Variants in TNRC18 observed in about 807,000 individuals in gnomAD.
The protein encoded by TNRC18 is trinucleotide repeat containing 18, also known as trinucleotide repeat-containing gene 18 protein.
A neutral mutation model predicts 226.7 loss-of-function variants in TNRC18; 69 were observed. The observed-to-expected ratio is 0.30, with a 90% CI of 0.25 to 0.37. The LOEUF (loss-of-function observed/expected upper bound fraction) is 0.37. Ranked by LOEUF, TNRC18 falls within the 10% of genes least tolerant of loss-of-function variation. The probability of loss-of-function intolerance (pLI) is 1.00; values close to 1 mark genes in which losing one functional copy is unlikely to be tolerated. For missense variants in TNRC18, 4,754 were observed against 4,256.6 expected (o/e 1.12, Z -3.25); for synonymous variants, 2,449 against 1,927.6 (o/e 1.27, Z -7.09).
At chr7:5,379,265 C>T (rs561933972) in intron 5 of TNRC18, among the ~76,000 whole-genome samples, 44 of 152,066 alleles carry the variant, frequency 2.9e-4, no homozygotes, top group Middle Eastern at 3.4e-3. Flanking sequence ...TGGCATGCAC[C>T]GGTAGTCCCA....
chr7:5,361,959 C>T lies in TNRC18; in HGVS notation c.4470G>A (p.Val1490=). The T allele has an allele frequency of 1.9e-6, 3 of 1,612,346 alleles. No homozygotes were observed. Among genetic ancestry groups the T allele is most frequent in the Non-Finnish European group, 2.5e-6 (3 of 1,179,484 alleles). Residue 1490 remains valine (V), a synonymous_variant, in exon 13 of 30, where the codon GTG becomes GTA. Transcript: ENST00000430969. ...GCTGCTTCTCCTTGTACTGGCGCTG[C>T]ACCTCGGCCAGCCGCATCCGGAAGT... ...ELDFRMRLAE[V]QRQYKEKQRE...
chr7:5,327,406 T>C (rs1317055365), intron 19 of TNRC18, among the ~76,000 whole-genome samples: 1 of 151,268 alleles, frequency 6.6e-6, no homozygotes, highest in Middle Eastern at 3.4e-3. Flanking sequence ...TGTGTGTGTG[T>C]GTGTGTCTGT....
intron 11 of TNRC18, among the ~76,000 whole-genome samples, chr7:5,365,379 CTG>C (rs1793509411): frequency 6.6e-6 from 1 of 152,124 alleles, no homozygotes; most frequent in Admixed American, 6.5e-5. Context: ...TCCCAAAGTG[CTG>C]AGATTACAGG....
At chr7:5,369,546 C>A (rs996549381) in intron 11 of TNRC18, among the ~76,000 whole-genome samples, 1 of 151,768 alleles carries the variant, frequency 6.6e-6, no homozygotes. Context: ...ATGAGGCCAA[C>A]AGAGAGAAAA....
At chr7:5,327,982 G>A (rs1789106415) in intron 19 of TNRC18, among the ~76,000 whole-genome samples, 1 of 152,056 alleles carries the variant, frequency 6.6e-6, no homozygotes, top group Admixed American at 6.6e-5. Context: ...AGCACTTCGG[G>A]AAGCCAAGGC....
Position 5,351,960 on chromosome 7 carries a change from G to T in TNRC18, c.5329C>A (p.Leu1777Met). Residue 1777 changes from leucine (L) to methionine (M), a missense_variant, in exon 17 of 30, where the codon CTG (leucine) becomes ATG (methionine). Coordinates refer to ENST00000430969, the MANE Select transcript of TNRC18 (RefSeq NM_001080495.3). ...GGGGCCGCCAGGCCCCTCTTGGTCAGCTTGGGGCCACCAGCTGCCTTGCTG... is the reference window on the plus strand; with the variant it reads ...GGGGCCGCCAGGCCCCTCTTGGTCATCTTGGGGCCACCAGCTGCCTTGCTG... Reference protein sequence around the residue: ...KNSKAAGGPKLTKRGLAAPRT... With the variant: ...KNSKAAGGPKMTKRGLAAPRT... 6.2e-7 allele frequency: 1 copy of T among 1,613,952 alleles called. No homozygotes were observed.
Position 5,388,022 on chromosome 7 carries a change from G to T in TNRC18, c.1802C>A (p.Ala601Asp), listed in dbSNP as rs1410903583. The T allele has an allele frequency of 6.4e-7, 1 of 1,570,690 alleles. No individual in the cohort carries two copies. Among genetic ancestry groups the T allele is most frequent in the Admixed American group, 1.9e-5 (1 of 53,340 alleles). Residue 601 changes from alanine to aspartate, a missense_variant, in exon 5 of 30, where the codon GCC (alanine) becomes GAC (aspartate). Ala to Asp is a moderately radical substitution (Grantham distance 126). Coordinates refer to ENST00000430969, the MANE Select transcript of TNRC18 (RefSeq NM_001080495.3). ...YSGSFARDAV[A>D]VRPGGCGKKS... The stretch of plus-strand genomic sequence containing the variant: ...CTTGCCACAGCCACCAGGGCGCACG[G>T]CCACGGCGTCCCGGGCAAAGCTGCC...
intron 8 of TNRC18, among the ~76,000 whole-genome samples, chr7:5,376,551 G>C (rs538961192): frequency 7.9e-5 from 12 of 152,324 alleles, no homozygotes; most frequent in African/African-American, 2.9e-4. Context: ...CCCTCCCAGT[G>C]GTCTACAAGG....
intron 2 of TNRC18, among the ~76,000 whole-genome samples, chr7:5,408,357 A>G (rs1049955573): frequency 4.0e-5 from 6 of 151,822 alleles, no homozygotes; most frequent in Middle Eastern, 3.4e-3. Flanking sequence ...AAAGGAGGAA[A>G]CATCCCCCTG....
intron 5 of TNRC18, among the ~76,000 whole-genome samples, chr7:5,385,555 G>C (rs559316800): frequency 2.2e-4 from 33 of 152,042 alleles, no homozygotes; most frequent in African/African-American, 7.2e-4. Context: ...ATGGTGGCGG[G>C]TGCCTGTGAC....
At chr7:5,322,420 T>C (rs374021029) in intron 21 of TNRC18, among the ~76,000 whole-genome samples, 21 of 152,186 alleles carry the variant, frequency 1.4e-4, no homozygotes, top group African/African-American at 3.4e-4. Flanking sequence ...CACCTTAGCC[T>C]CCTGAGTAGC....
At chr7:5,356,168 T>TA (rs1172689513) in intron 16 of TNRC18, among the ~76,000 whole-genome samples, 6,955 of 99,502 alleles carry the variant, frequency 0.07, 255 homozygotes, top group East Asian at 0.13. Flanking sequence ...CGTCTCAAAT[T>TA]AAAAAAAAAA....
chr7:5,377,134 G>A lies in TNRC18; in HGVS notation c.2462-141C>T, dbSNP rs1161240184. ...GGGAAGCCAAGGGACAGGGGTGCTG[G>A]CTGGCTGCAAAGAGCACCCCAGAGC... On this transcript the variant is annotated intron_variant, in intron 7 of 29. Coordinates refer to ENST00000430969, the MANE Select transcript of TNRC18 (RefSeq NM_001080495.3). The surrounding 1 kb of genome is among the most constrained non-coding windows in gnomAD (Gnocchi z 5.8). 2 of 1,311,564 alleles carry A rather than the reference G, an allele frequency of 1.5e-6. No homozygotes were observed. The highest frequency in any genetic ancestry group is 1.0e-6 in the Non-Finnish European group (1 of 967,980). 81.2% of individuals were successfully genotyped at this position (1,311,564 alleles called of 1,614,324 possible). A position where few individuals can be genotyped will look rare whatever the true frequency, so the allele number is the denominator to read the frequency against.
At chr7:5,354,404 C>A (rs1792133174) in intron 16 of TNRC18, among the ~76,000 whole-genome samples, 1 of 151,990 alleles carries the variant, frequency 6.6e-6, no homozygotes, top group South Asian at 2.1e-4. Flanking sequence ...CATCCACAGA[C>A]CCCAATCCCT....
rs1347796678 is a variant in TNRC18, at chr7:5,312,444, C to G, written c.8388+59G>C. The G allele has an allele frequency of 1.3e-6, 2 of 1,582,664 alleles. No individual in the cohort carries two copies. Among genetic ancestry groups the G allele is most frequent in the African/African-American group, 2.7e-5 (2 of 74,242 alleles). On this transcript the variant is annotated intron_variant, in intron 27 of 29. Transcript: ENST00000430969. This position sits in a 1 kb window ranked among gnomAD's most constrained non-coding sequence, Gnocchi z 6.3. ...GAGACACAGCATGAAGCCGTGGGCC[C>G]AGCAGAGAGACACAAGGCCCCCGGC...
At chr7:5,352,920 G>C (rs551100214) in intron 16 of TNRC18, among the ~76,000 whole-genome samples, 1 of 152,240 alleles carries the variant, frequency 6.6e-6, no homozygotes, top group South Asian at 2.1e-4. Flanking sequence ...TCCAGACGGG[G>C]GGAACGTGAA....
rs1339266691 is a variant in TNRC18, at chr7:5,357,011, G to A, written c.5099C>T (p.Ala1700Val). 6.4e-7 allele frequency: 1 copy of A among 1,552,314 alleles called. No individual in the cohort carries two copies. Among genetic ancestry groups the A allele is most frequent in the South Asian group, 1.2e-5 (1 of 84,054 alleles). Residue 1700 changes from alanine (A) to valine (V), a missense_variant, in exon 16 of 30, where the codon GCC becomes GTC. Physicochemically the swap from Ala to Val is moderately conservative, Grantham distance 64 (BLOSUM62 0). Coordinates refer to ENST00000430969, the MANE Select transcript of TNRC18 (RefSeq NM_001080495.3). ...SSREGKHKRA[A>V]KTRKMEVGFK... is the part of the protein sequence containing the mutation. ...CCCCACCTCCATCTTCCTGGTTTTG[G>A]CTGCCCTTTTGTGTTTACCTTCTCT...
intron 5 of TNRC18, among the ~76,000 whole-genome samples, chr7:5,380,712 GT>G (rs1779340679): frequency 6.6e-6 from 1 of 152,224 alleles, no homozygotes; most frequent in African/African-American, 2.4e-5. Flanking sequence ...GGCCCTGCCT[GT>G]GGACCTCACG....
intron 11 of TNRC18, among the ~76,000 whole-genome samples, chr7:5,367,898 G>A (rs1793766143): frequency 1.3e-5 from 2 of 152,198 alleles, no homozygotes; most frequent in South Asian, 4.1e-4. Context: ...CTTCCTTGAG[G>A]GCCATCTGAC....
Sources: gnomAD v4.1 joint callset for allele counts (sites outside exome capture counted in the v4.1 genomes callset) on GRCh38, gnomAD v4.1.1 for gene constraint, Gnocchi (gnomAD v3.1) non-coding constraint, MANE v1.5 for transcripts, NCBI Gene and HGNC (gene_info 2026-07-23, HGNC 2026-07-21) for gene names.